MGAM: variants seen among roughly 807,000 people sequenced by gnomAD.
MGAM encodes alpha-1,4-glucosidase.
Under a neutral mutation model 358.8 loss-of-function variants are expected in MGAM, and 253 were observed. The observed-to-expected ratio is 0.71, with a 90% CI of 0.64 to 0.78. The LOEUF is 0.78. Ranked by LOEUF, MGAM falls within the 30% of genes least tolerant of loss-of-function variation. MGAM has a pLI of 0.00. For synonymous variants in MGAM, 1,105 were observed against 1,227.1 expected (o/e 0.90, Z 2.08); for missense variants, 3,080 against 3,432.6 (o/e 0.90, Z 2.57).
At chr7:141,989,350 A>C (rs1803843185) in intron 2 of MGAM, among the ~76,000 whole-genome samples, 1 of 152,116 alleles carries the variant, frequency 6.6e-6, no homozygotes, top group Non-Finnish European at 1.5e-5. Flanking sequence ...AGGGGTTGGG[A>C]AACTGACATT....
Position 142,025,143 on chromosome 7 carries a change from G to A in MGAM, c.976G>A (p.Ala326Thr). 6.2e-7 allele frequency: 1 copy of A among 1,602,866 alleles called. No homozygotes were observed. The highest frequency in any genetic ancestry group is 1.1e-5 in the South Asian group (1 of 90,856). The change falls in exon 8 of 71, where the codon GCC (alanine) becomes ACC (threonine). Residue 326 changes from alanine to threonine, a missense_variant. Coordinates refer to ENST00000475668, the MANE Select transcript of MGAM (RefSeq NM_001365693.1). ...TGGGGTGTTTCTGATGAACAGCAAT[G>A]CCATGGGTAAAGGAATATTCATGGA... ...SFGVFLMNSNAMEVVLQPAPA... is the reference protein window; with the variant it reads ...SFGVFLMNSNTMEVVLQPAPA...
In MGAM at chr7:142,065,832, G is replaced by GT. The variant is rs943323068; in HGVS notation, c.4770+2dup. 5.8e-6 allele frequency: 9 copies of GT among 1,545,068 alleles called. 1 individual carries two copies. The highest frequency in any genetic ancestry group is 8.0e-6 in the Non-Finnish European group (9 of 1,123,350). On this transcript the variant is annotated splice_donor_variant, in intron 40 of 70. Transcript: ENST00000475668. LOFTEE classifies it high-confidence loss of function. ...AAACCACAATACCATTGGGACCAGG[G>GT]TAGGACAGTGGCTTCTACCTCCACT...
chr7:142,081,319 G>C (rs1374748164), intron 50 of MGAM, among the ~76,000 whole-genome samples: 2 of 146,230 alleles, frequency 1.4e-5, no homozygotes, highest in Non-Finnish European at 3.1e-5. Context: ...GTAGCCAAAA[G>C]AGCAGGGTAA....
Position 142,078,321 on chromosome 7 carries a change from G to T in MGAM, c.5497G>T (p.Ala1833Ser). 6.8e-6 allele frequency: 10 copies of T among 1,468,764 alleles called. 2 individuals carry two copies. Among genetic ancestry groups the T allele is most frequent in the Non-Finnish European group, 9.2e-6 (10 of 1,085,794 alleles). 91.0% of individuals were successfully genotyped at this position (1,468,764 alleles called of 1,614,324 possible). A position where few individuals can be genotyped will look rare whatever the true frequency, so the allele number is the denominator to read the frequency against. The change falls in exon 48 of 71, where the codon GCC becomes TCC. Residue 1833 changes from alanine to serine, a missense_variant. Physicochemically the swap from Ala to Ser is moderately conservative, Grantham distance 99. Around this residue, in one of 5 missense-constraint regions of MGAM, gnomAD observed 932 missense variants for 1,198.2 expected, o/e 0.78. Coordinates refer to ENST00000475668, the MANE Select transcript of MGAM (RefSeq NM_001365693.1). ...TVTYDSNLKV[A>S]IITDINLFLG... The stretch of plus-strand genomic sequence containing the variant: ...TGTGATTTCTGCATTCCTACAGGTC[G>T]CCATTATCACAGACATCAATCTTTT...
At chr7:142,080,312 T>C (rs1202624062) in intron 49 of MGAM, among the ~76,000 whole-genome samples, 1 of 146,278 alleles carries the variant, frequency 6.8e-6, no homozygotes, top group Non-Finnish European at 1.5e-5. Flanking sequence ...TGAGCTCACA[T>C]CCCTAGTGTC....
In MGAM at chr7:142,100,886, C is replaced by A; in HGVS notation, c.7959C>A (p.Ser2653Arg). Residue 2653 changes from serine to arginine, a missense_variant, in exon 68 of 71, where the codon AGC (serine) becomes AGA (arginine). Transcript: ENST00000475668. ...GGCTCTTCTGGGATGATGGGCAAAG[C>A]ATTGGTGAGTAGAGGTTGCCTGAGA... Reference protein sequence around the residue: ...GGWLFWDDGQSIDTYGKGLYY... With the variant: ...GGWLFWDDGQRIDTYGKGLYY... 6.2e-7 allele frequency: 1 copy of A among 1,612,660 alleles called. No individual in the cohort carries two copies. Among genetic ancestry groups the A allele is most frequent in the Non-Finnish European group, 8.5e-7 (1 of 1,179,406 alleles).
At chr7:142,038,841 C>G (rs1808248382) in intron 19 of MGAM, among the ~76,000 whole-genome samples, 1 of 152,116 alleles carries the variant, frequency 6.6e-6, no homozygotes. Context: ...TTAGAAGCAT[C>G]TACTGGAAAC....
At position 142,050,574 on chromosome 7, in the gene MGAM, A is replaced by T. The variant is rs563506570; in HGVS notation, c.2638-123A>T. The T allele has an allele frequency of 8.8e-5, 91 of 1,038,168 alleles. No homozygotes were observed. The African/African-American group carries it at 1.3e-3, about 15-fold the overall frequency. The allele number at this position is 1,038,168 out of a possible 1,614,324, so 64.3% of individuals were successfully genotyped here. A position where few individuals can be genotyped will look rare whatever the true frequency, so the allele number is the denominator to read the frequency against. ...GTACTTCTTCAGCACACACTAGTAGAGAAAGCAGAGAGGCATTTATGGCAG... is the reference window on the plus strand; with the variant it reads ...GTACTTCTTCAGCACACACTAGTAGTGAAAGCAGAGAGGCATTTATGGCAG... On this transcript the variant is annotated intron_variant, in intron 23 of 70. Coordinates refer to ENST00000475668, the MANE Select transcript of MGAM (RefSeq NM_001365693.1).
intron 8 of MGAM, among the ~76,000 whole-genome samples, chr7:142,026,085 A>ATTGCAATAT (rs537935480): frequency 5.3e-5 from 8 of 152,240 alleles, no homozygotes; most frequent in Non-Finnish European, 1.2e-4. Flanking sequence ...CAAAGAGTAC[A>ATTGCAATAT]TTGCAATATT....
At position 142,056,823 on chromosome 7, in the gene MGAM, T is replaced by A; in HGVS notation, c.3581-7T>A. The A allele has an allele frequency of 6.2e-7, 1 of 1,613,466 alleles. No individual in the cohort carries two copies. The highest frequency in any genetic ancestry group is 8.5e-7 in the Non-Finnish European group (1 of 1,179,692). On this transcript the variant is annotated splice_polypyrimidine_tract_variant and splice_region_variant and intron_variant, in intron 29 of 70. Coordinates refer to ENST00000475668, the MANE Select transcript of MGAM (RefSeq NM_001365693.1). ...CCGTGAGGCTTGGCATTTTTCTTTATTTTCAGATGTGACGTTCCAGCCCCT... is the reference window on the plus strand; with the variant it reads ...CCGTGAGGCTTGGCATTTTTCTTTAATTTCAGATGTGACGTTCCAGCCCCT...
chr7:142,019,794 C>A (rs554701110), intron 4 of MGAM, among the ~76,000 whole-genome samples: 3 of 152,270 alleles, frequency 2.0e-5, no homozygotes, highest in Non-Finnish European at 2.9e-5. Context: ...ATAGGCCAGG[C>A]ACAGTGGCTC....
chr7:141,997,617 G>C (rs192694301), intron 1 of MGAM, among the ~76,000 whole-genome samples: 1 of 152,170 alleles, frequency 6.6e-6, no homozygotes, highest in South Asian at 2.1e-4. Flanking sequence ...ACACCCTGTT[G>C]CTGGGCTCAA....
intron 53 of MGAM, 47 bp downstream of exon 53, chr7:142,083,460 TG>T: frequency 1.5e-6 from 2 of 1,332,952 alleles, no homozygotes; most frequent in South Asian, 1.3e-5. Flanking sequence ...TAGCACATTC[TG>T]GGTGCCAGAG....
chr7:142,027,246 G>T lies in MGAM; in HGVS notation c.1095+19G>T. ...TCTAGAGGTAAACTTAGGATGTCAA[G>T]ATTATGACTCAGGAAATCCTAAACA... On this transcript the variant is annotated intron_variant, in intron 9 of 70. Coordinates refer to ENST00000475668, the MANE Select transcript of MGAM (RefSeq NM_001365693.1). The T allele has an allele frequency of 6.4e-7, 1 of 1,551,246 alleles. No homozygotes were observed. Among genetic ancestry groups the T allele is most frequent in the South Asian group, 1.1e-5 (1 of 89,562 alleles).
rs561435605 is a variant in MGAM at position 142,046,965 on chromosome 7, A to G, written c.2499-820A>G. ...CATTGACTTCTTAGAAACGACTGCT[A>G]CTCAGTACATGAATATTTAATGAAA... On this transcript the variant is annotated intron_variant, in intron 21 of 70. Coordinates refer to ENST00000475668, the MANE Select transcript of MGAM (RefSeq NM_001365693.1). Among the ~76,000 whole-genome samples, 5 of 152,222 alleles carry G rather than the reference A, an allele frequency of 3.3e-5. No individual in the cohort carries two copies. In the South Asian group the frequency reaches 1.0e-3, roughly 32 times the overall value.
chr7:142,063,606 T>C lies in MGAM; in HGVS notation c.4345+20T>C, dbSNP rs774200592. On this transcript the variant is annotated intron_variant, in intron 36 of 70. Coordinates refer to ENST00000475668, the MANE Select transcript of MGAM (RefSeq NM_001365693.1). Reference sequence around the variant, plus strand: ...TGCCACGTAAGAAGCCTTGGCCTCCTTGACTGGCAGAGCCATGACTGGAAG... The same window carrying C: ...TGCCACGTAAGAAGCCTTGGCCTCCCTGACTGGCAGAGCCATGACTGGAAG... 6.2e-7 allele frequency: 1 copy of C among 1,610,332 alleles called. No individual in the cohort carries two copies. Among genetic ancestry groups the C allele is most frequent in the East Asian group, 2.2e-5 (1 of 44,736 alleles).
At chr7:142,103,503 G>A in intron 70 of MGAM, 64 bp downstream of exon 70, 35 of 1,379,504 alleles carry the variant, frequency 2.5e-5, no homozygotes, top group Non-Finnish European at 3.3e-5. Context: ...TGCAGTGCCT[G>A]ACTGCTTCCC....
chr7:142,023,954 C>T (rs1326157344), intron 7 of MGAM, among the ~76,000 whole-genome samples: 1 of 152,146 alleles, frequency 6.6e-6, no homozygotes. Flanking sequence ...GCATTTAGGG[C>T]TGGGAGCAGT....
At position 142,065,628 on chromosome 7, in the gene MGAM, T is replaced by G. The variant is rs778225100; in HGVS notation, c.4653+6T>G. The G allele has an allele frequency of 4.3e-6, 7 of 1,613,482 alleles. No individual in the cohort carries two copies. In the East Asian group the frequency reaches 1.6e-4, roughly 36 times the overall value. On this transcript the variant is annotated splice_donor_region_variant and intron_variant, in intron 39 of 70. Transcript: ENST00000475668. Reference sequence around the variant, plus strand: ...GCCTCTTTGGCATATCCTATGTGAGTGTCCTTGGGATCCTCCTAAGCACCA... The same window carrying G: ...GCCTCTTTGGCATATCCTATGTGAGGGTCCTTGGGATCCTCCTAAGCACCA...
Sources: gnomAD v4.1 joint callset for allele counts (sites outside exome capture counted in the v4.1 genomes callset) on GRCh38, gnomAD v4.1.1 for gene constraint, gnomAD v4.1.1 regional missense constraint, MANE v1.5 for transcripts, NCBI Gene and HGNC (gene_info 2026-07-23, HGNC 2026-07-21) for gene names.